Variants in TACR1 observed in about 807,000 individuals in gnomAD.
The protein encoded by TACR1 is tachykinin receptor 1.
Under a neutral mutation model 35.8 loss-of-function variants are expected in TACR1, and 25 were observed. That is an observed-to-expected ratio of 0.70 (90% CI 0.51 to 0.98). The LOEUF is 0.98. TACR1 is among the 50% of genes least tolerant of loss of function. TACR1 has a pLI of 0.00. For synonymous variants in TACR1, 195 were observed against 206.7 expected (o/e 0.94, Z 0.48); for missense variants, 478 against 522.9 (o/e 0.91, Z 0.84).
chr2:75,131,313 C>T (rs1422639378), intron 1 of TACR1, among the ~76,000 whole-genome samples: 1 of 152,082 alleles, frequency 6.6e-6, no homozygotes, highest in Non-Finnish European at 1.5e-5. Flanking sequence ...TGGTCTCGAT[C>T]TCCTGACCTC....
chr2:75,083,461 AG>A (rs1322611347), intron 2 of TACR1, among the ~76,000 whole-genome samples: 1 of 152,204 alleles, frequency 6.6e-6, no homozygotes, highest in African/African-American at 2.4e-5. Context: ...AATTCTGTGA[AG>A]AAAGTCATTG....
chr2:75,141,235 A>G (rs1011514645), intron 1 of TACR1, among the ~76,000 whole-genome samples: 6 of 152,188 alleles, frequency 3.9e-5, no homozygotes, highest in South Asian at 2.1e-4. Context: ...CCACATTTAT[A>G]TGGTCTCAGC....
At position 75,114,519 on chromosome 2, in the gene TACR1, C is replaced by G. The variant is rs115505211; in HGVS notation, c.584+6055G>C. On this transcript the variant is annotated intron_variant, in intron 2 of 4. Transcript: ENST00000305249. Reference sequence around the variant, plus strand: ...TCTGAGACCATTGCCACCCTACAGCCCACATAACAACTACAAGAATGGGCT... The same window carrying G: ...TCTGAGACCATTGCCACCCTACAGCGCACATAACAACTACAAGAATGGGCT... Among the ~76,000 whole-genome samples the G allele has an allele frequency of 1.9e-3, 287 of 152,300 alleles. 1 individual carries two copies. Among genetic ancestry groups the G allele is most frequent in the African/African-American group, 6.7e-3 (278 of 41,568 alleles).
chr2:75,168,239 C>T (rs192668479), intron 1 of TACR1, among the ~76,000 whole-genome samples: 1 of 152,230 alleles, frequency 6.6e-6, no homozygotes, highest in East Asian at 1.9e-4. Context: ...CAGAATAGTG[C>T]CCCTCCACTC....
intron 2 of TACR1, among the ~76,000 whole-genome samples, chr2:75,105,663 A>G (rs1217830267): frequency 1.3e-5 from 2 of 152,148 alleles, no homozygotes; most frequent in South Asian, 2.1e-4. Flanking sequence ...ATATACTTCA[A>G]TAAAGCTGAA....
At chr2:75,089,938 C>G (rs564588725) in intron 2 of TACR1, among the ~76,000 whole-genome samples, 9 of 152,282 alleles carry the variant, frequency 5.9e-5, no homozygotes, top group African/African-American at 1.9e-4. Context: ...AATGCACCAG[C>G]AGCTCATTAC....
chr2:75,153,495 C>T (rs1303205218), intron 1 of TACR1, among the ~76,000 whole-genome samples: 1 of 152,166 alleles, frequency 6.6e-6, no homozygotes, highest in Non-Finnish European at 1.5e-5. Flanking sequence ...CTGAGCTGTG[C>T]TGTTAAAGGC....
intron 1 of TACR1, among the ~76,000 whole-genome samples, chr2:75,170,606 A>G (rs1675253950): frequency 6.6e-6 from 1 of 152,192 alleles, no homozygotes; most frequent in African/African-American, 2.4e-5. Flanking sequence ...GGAACTTCCT[A>G]GAGACTTGTT....
chr2:75,085,765 C>T (rs76772013), intron 2 of TACR1, among the ~76,000 whole-genome samples: 1,749 of 152,248 alleles, frequency 0.011, 23 homozygotes, highest in African/African-American at 0.04. Flanking sequence ...CCCTACTCTT[C>T]CCTGGGGTTA....
intron 3 of TACR1, among the ~76,000 whole-genome samples, 175 bp from the exon 4 acceptor site, chr2:75,051,622 G>GAC (rs1472616205): frequency 1.3e-4 from 20 of 152,172 alleles, no homozygotes; most frequent in African/African-American, 4.8e-4. Flanking sequence ...CAAGACTTCG[G>GAC]TTATGTCAGC....
At chr2:75,091,138 C>T (rs1362157798) in intron 2 of TACR1, among the ~76,000 whole-genome samples, 1 of 141,572 alleles carries the variant, frequency 7.1e-6, no homozygotes, top group Non-Finnish European at 1.5e-5. Context: ...TTTTATCTCA[C>T]ACATTATAGT....
At chr2:75,068,602 CT>C (rs534016263) in intron 2 of TACR1, among the ~76,000 whole-genome samples, 2 of 151,964 alleles carry the variant, frequency 1.3e-5, no homozygotes, top group African/African-American at 4.8e-5. Flanking sequence ...GCCAGGCTCT[CT>C]TTTAAATTCT....
chr2:75,105,508 A>G (rs991975567), intron 2 of TACR1, among the ~76,000 whole-genome samples: 5 of 152,032 alleles, frequency 3.3e-5, no homozygotes, highest in East Asian at 1.9e-4. Context: ...AAAATTGCTA[A>G]GAGAGTAGAT....
At chr2:75,071,417 T>G (rs1406780378) in intron 2 of TACR1, among the ~76,000 whole-genome samples, 1 of 152,248 alleles carries the variant, frequency 6.6e-6, no homozygotes, top group Non-Finnish European at 1.5e-5. Flanking sequence ...TGGGAGATTC[T>G]CTGAACCAGT....
intron 3 of TACR1, 104 bp downstream of exon 3, chr2:75,053,501 G>T: frequency 7.4e-7 from 1 of 1,354,940 alleles, no homozygotes; most frequent in Non-Finnish European, 9.7e-7. Flanking sequence ...CATACCTGGG[G>T]ATATTTTGTG....
At chr2:75,138,472 C>T (rs1045613191) in intron 1 of TACR1, among the ~76,000 whole-genome samples, 13 of 152,208 alleles carry the variant, frequency 8.5e-5, no homozygotes. Flanking sequence ...TAGAAATACA[C>T]TACAGGGCTG....
At chr2:75,073,406 T>C (rs559988905) in intron 2 of TACR1, among the ~76,000 whole-genome samples, 1 of 152,324 alleles carries the variant, frequency 6.6e-6, no homozygotes, top group Non-Finnish European at 1.5e-5. Flanking sequence ...GCCAACTTCT[T>C]TGGACTGACA....
intron 2 of TACR1, among the ~76,000 whole-genome samples, 188 bp from the exon 3 acceptor site, chr2:75,053,943 T>C (rs1672520251): frequency 6.6e-6 from 1 of 152,190 alleles, no homozygotes; most frequent in South Asian, 2.1e-4. Flanking sequence ...GTAATACTAA[T>C]GAATACACTA....
intron 1 of TACR1, among the ~76,000 whole-genome samples, chr2:75,155,444 T>C (rs962926394): frequency 6.6e-6 from 1 of 151,896 alleles, no homozygotes; most frequent in African/African-American, 2.4e-5. Flanking sequence ...CCTCTCTCTA[T>C]CTCTACCTCT....
Sources: gnomAD v4.1 joint callset for allele counts (sites outside exome capture counted in the v4.1 genomes callset) on GRCh38, gnomAD v4.1.1 for gene constraint, MANE v1.5 for transcripts, NCBI Gene and HGNC (gene_info 2026-07-23, HGNC 2026-07-21) for gene names.